The following TBC1D8 variants were observed in gnomAD, a reference collection of about 807,000 sequenced individuals.
TBC1D8 encodes the protein BUB2-like protein 1.
In TBC1D8, 65 loss-of-function variants were observed where a neutral mutation model predicts 118.8. The observed-to-expected ratio is 0.55, with a 90% CI of 0.45 to 0.67. The LOEUF (loss-of-function observed/expected upper bound fraction) is 0.67, where lower values mean the gene tolerates loss of function less well. Among genes scored for constraint, TBC1D8 ranks in the 30% least tolerant of loss-of-function variants. The pLI is 0.00. For synonymous variants in TBC1D8, 566 were observed against 595.8 expected (o/e 0.95, Z 0.73); for missense variants, 1,376 against 1,471.2 (o/e 0.94, Z 1.06).
Position 101,036,181 on chromosome 2 carries a change from A to G in TBC1D8, c.1453-13T>C, listed in dbSNP as rs1240037014. On this transcript the variant is annotated splice_polypyrimidine_tract_variant and intron_variant, in intron 8 of 19. Transcript: ENST00000409318. ...TCTGTTCTCTGGACTGGAAATGGGA[A>G]TATTCTTAATGTACAAAGAAGTCTG... The G allele has an allele frequency of 6.2e-7, 1 of 1,611,576 alleles. No individual in the cohort carries two copies. The highest frequency in any genetic ancestry group is 1.3e-5 in the African/African-American group (1 of 74,874).
intron 12 of TBC1D8, 193 bp from the exon 13 acceptor site, chr2:101,028,625 C>T (rs1489957357): frequency 1.4e-6 from 1 of 707,914 alleles, no homozygotes; most frequent in Non-Finnish European, 2.1e-6. Flanking sequence ...GATTGGGCTC[C>T]ACAGGTGGCT....
intron 6 of TBC1D8, 77 bp downstream of exon 6, chr2:101,040,101 C>T (rs1681283882): frequency 1.3e-6 from 2 of 1,522,828 alleles, no homozygotes; most frequent in Admixed American, 1.8e-5. Flanking sequence ...CCCTCCCACA[C>T]TCCATCTCAC....
Position 101,090,350 on chromosome 2 carries a change from C to G in TBC1D8, c.142G>C (p.Ala48Pro). ...TTGGAATCCAACACTGCATCCAGAG[C>G]GCCGACCAGGCGACCTTCAAAAGAA... ...GGRLTGRLVG[A>P]LDAVLDSNAR... Residue 48 changes from alanine (A) to proline (P), a missense_variant, in exon 2 of 20, where the codon GCT (alanine) becomes CCT (proline). Physicochemically the swap from Ala to Pro is conservative, Grantham distance 27. Transcript: ENST00000409318. 5 of 1,613,976 alleles carry G rather than the reference C, an allele frequency of 3.1e-6. No homozygotes were observed. Among genetic ancestry groups the G allele is most frequent in the Non-Finnish European group, 3.4e-6 (4 of 1,179,878 alleles).
chr2:101,012,774 G>A (rs184784602), intron 17 of TBC1D8, among the ~76,000 whole-genome samples: 15 of 152,304 alleles, frequency 9.8e-5, no homozygotes, highest in African/African-American at 3.1e-4. Context: ...GAACTTATTC[G>A]TAAACCATTT....
At position 101,090,283 on chromosome 2, in the gene TBC1D8, C is replaced by G; in HGVS notation, c.209G>C (p.Gly70Ala). 2 of 1,613,918 alleles carry G rather than the reference C, an allele frequency of 1.2e-6. No individual in the cohort carries two copies. Among genetic ancestry groups the G allele is most frequent in the Admixed American group, 1.7e-5 (1 of 60,006 alleles). The change falls in exon 2 of 20, where the codon GGC becomes GCC. Residue 70 changes from glycine to alanine, a missense_variant. Gly to Ala is a moderately conservative substitution (Grantham distance 60). Coordinates refer to ENST00000409318, the MANE Select transcript of TBC1D8 (RefSeq NM_001330348.2). Reference sequence around the variant, plus strand: ...TGCTATGGGAGAATAAACCTGGGAGCCGGGAACTTGAAGCAGAATTCGAAA... The same window carrying G: ...TGCTATGGGAGAATAAACCTGGGAGGCGGGAACTTGAAGCAGAATTCGAAA... ...APFRILLQVPGSQVYSPIACG... is the reference protein window; with the variant it reads ...APFRILLQVPASQVYSPIACG...
At chr2:101,033,338 C>T in intron 10 of TBC1D8, 1 of 687,670 alleles carries the variant, frequency 1.5e-6, no homozygotes. Flanking sequence ...TGGTCTCGAT[C>T]TCCTGACCTC....
In TBC1D8 at chr2:101,029,689, A is replaced by C; in HGVS notation, c.2024T>G (p.Leu675Arg). 6.2e-7 allele frequency: 1 copy of C among 1,614,022 alleles called. No individual in the cohort carries two copies. Among genetic ancestry groups the C allele is most frequent in the Non-Finnish European group, 8.5e-7 (1 of 1,179,882 alleles). ...GAACCACGAGAGAGAGACGGACGCC[A>C]GGGCTGAGAGGTCGTTCATGTGCTC... is the stretch of plus-strand genomic sequence containing the variant. ...LAEHMNDLSA[L>R]ASVSLSWFLT... The change falls in exon 12 of 20, where the codon CTG (leucine) becomes CGG (arginine). Residue 675 changes from leucine (L) to arginine (R), a missense_variant. Coordinates refer to ENST00000409318, the MANE Select transcript of TBC1D8 (RefSeq NM_001330348.2).
In TBC1D8 at chr2:101,037,727, A is replaced by C. The variant is rs776710111; in HGVS notation, c.1276-19T>G. 1 of 1,610,300 alleles carries C rather than the reference A, an allele frequency of 6.2e-7. No individual in the cohort carries two copies. The highest frequency in any genetic ancestry group is 1.1e-5 in the South Asian group (1 of 91,076). ...GTGAAGCCTGCACAGCAAGAGAGAC[A>C]GAGACAGAGAGAGAGAGGAGAGGAG... On this transcript the variant is annotated intron_variant, in intron 7 of 19. Transcript: ENST00000409318.
intron 6 of TBC1D8, 26 bp from the exon 7 acceptor site, chr2:101,038,681 C>G: frequency 6.2e-7 from 1 of 1,611,342 alleles, no homozygotes. Flanking sequence ...CATGCAGGGA[C>G]AGAAGGGCGG....
chr2:101,046,373 C>T (rs371680529), intron 5 of TBC1D8, among the ~76,000 whole-genome samples: 5 of 152,194 alleles, frequency 3.3e-5, no homozygotes, highest in African/African-American at 4.8e-5. Context: ...GGCTCTCTGA[C>T]GCTCAGAAAA....
In TBC1D8 at chr2:101,034,419, A is replaced by G. The variant is rs184570059; in HGVS notation, c.1604-661T>C. On this transcript the variant is annotated intron_variant, in intron 9 of 19. Transcript: ENST00000409318. ...ACATCAAGGGGGCGCAGCTATGACA[A>G]AGCGAAGGGGCCAGCAGCACGGCGC... 1.9e-3 allele frequency among the ~76,000 whole-genome samples: 294 copies of G among 152,288 alleles called. 1 individual carries two copies. The highest frequency in any genetic ancestry group is 4.0e-3 in the Non-Finnish European group (269 of 68,010).
intron 1 of TBC1D8, among the ~76,000 whole-genome samples, chr2:101,134,796 A>G (rs1313201401): frequency 6.6e-6 from 1 of 152,220 alleles, no homozygotes; most frequent in Admixed American, 6.5e-5. Flanking sequence ...CATTCAATCC[A>G]CAACATAACT....
At chr2:101,070,436 A>G (rs545053164) in intron 2 of TBC1D8, among the ~76,000 whole-genome samples, 4 of 139,986 alleles carry the variant, frequency 2.9e-5, no homozygotes. Context: ...TTTTTGAGAT[A>G]GAGTCTCACT....
intron 2 of TBC1D8, among the ~76,000 whole-genome samples, chr2:101,071,517 G>A (rs1023867046): frequency 1.3e-5 from 2 of 152,060 alleles, no homozygotes; most frequent in African/African-American, 4.8e-5. Flanking sequence ...TAAAGCTTTG[G>A]GTATTTGGAG....
At position 101,029,471 on chromosome 2, in the gene TBC1D8, A is replaced by G. The variant is rs763873174; in HGVS notation, c.2222+20T>C. On this transcript the variant is annotated intron_variant, in intron 12 of 19. Coordinates refer to ENST00000409318, the MANE Select transcript of TBC1D8 (RefSeq NM_001330348.2). ...GCCTCCTCCATCTCTGGTTGGCCACAGAGGTGCAGCGGGGCCCACCTGCTG... is the reference window on the plus strand; with the variant it reads ...GCCTCCTCCATCTCTGGTTGGCCACGGAGGTGCAGCGGGGCCCACCTGCTG... The G allele has an allele frequency of 3.1e-6, 5 of 1,602,400 alleles. No individual in the cohort carries two copies. The South Asian group carries it at 5.5e-5, about 18-fold the overall frequency.
intron 17 of TBC1D8, chr2:101,019,375 C>T: frequency 5.2e-6 from 1 of 192,438 alleles, no homozygotes; most frequent in South Asian, 1.8e-4. Context: ...AAAAGTTTTT[C>T]ATTATGAAAG....
intron 12 of TBC1D8, among the ~76,000 whole-genome samples, chr2:101,029,035 A>G (rs1042644800): frequency 2.6e-5 from 4 of 152,250 alleles, no homozygotes; most frequent in African/African-American, 7.2e-5. Flanking sequence ...TGCCTGGGAC[A>G]GTGCCACATG....
chr2:101,135,350 T>C (rs569954481), intron 1 of TBC1D8, among the ~76,000 whole-genome samples: 13 of 152,246 alleles, frequency 8.5e-5, no homozygotes, highest in Admixed American at 3.3e-4. Context: ...AAACAACATC[T>C]TCTTAGTACA....
rs943551608 is a variant in TBC1D8 at position 101,037,381 on chromosome 2, G to C, written c.1452+151C>G. The C allele has an allele frequency of 2.8e-5, 32 of 1,150,440 alleles. 1 individual carries two copies. The South Asian group carries it at 4.8e-4, about 17-fold the overall frequency. 71.3% of individuals were successfully genotyped at this position (1,150,440 alleles called of 1,614,324 possible). The stretch of plus-strand genomic sequence containing the variant: ...CCTCAGTCCTCTGACCACCTCAGTG[G>C]TCACTTTTCACCCATGAGAACAAGA... On this transcript the variant is annotated intron_variant, in intron 8 of 19. Transcript: ENST00000409318.
Sources: allele counts gnomAD v4.1 joint callset (sites outside exome capture counted in the v4.1 genomes callset), GRCh38; gene constraint gnomAD v4.1.1; transcripts MANE v1.5; gene names NCBI Gene and HGNC (gene_info 2026-07-23, HGNC 2026-07-21).